Variants in SARM1 observed in about 807,000 individuals in gnomAD.
The protein encoded by SARM1 is sterile alpha and TIR motif containing 1, also known as NAD(+) hydrolase SARM1.
SARM1 carries 60 observed loss-of-function variants against 65.1 expected under a neutral mutation model. That is an observed-to-expected ratio of 0.92 (90% CI 0.75 to 1.14). The LOEUF (loss-of-function observed/expected upper bound fraction) is 1.14. SARM1 is among the 50% of genes most tolerant of loss of function. The probability of loss-of-function intolerance (pLI) is 0.00; values close to 1 mark genes in which losing one functional copy is unlikely to be tolerated. For synonymous variants in SARM1, 417 were observed against 465.4 expected (o/e 0.90, Z 1.34); for missense variants, 913 against 1,015.7 (o/e 0.90, Z 1.37).
rs1246957045 is a variant in SARM1 at position 28,398,254 on chromosome 17, A to G, written c.*1968A>G. On this transcript the variant is annotated 3_prime_UTR_variant, in exon 9 of 9. Coordinates refer to ENST00000585482, the MANE Select transcript of SARM1 (RefSeq NM_015077.4). Reference sequence around the variant, plus strand: ...TATTCAGAGAGGTTTCCTGCGTTTTATTTCTATTTGGTATACCCTCCACTG... The same window carrying G: ...TATTCAGAGAGGTTTCCTGCGTTTTGTTTCTATTTGGTATACCCTCCACTG... 3 of 151,902 alleles carry G rather than the reference A, an allele frequency of 2.0e-5. No individual in the cohort carries two copies. Among genetic ancestry groups the G allele is most frequent in the Non-Finnish European group, 4.4e-5 (3 of 68,020 alleles). The allele number at this position is 151,902 out of a possible 1,614,324, so 9.4% of individuals were successfully genotyped here.
Position 28,381,428 on chromosome 17 carries a change from C to T in SARM1, c.696C>T (p.Asn232=), listed in dbSNP as rs1342859914. 6 of 1,543,996 alleles carry T rather than the reference C, an allele frequency of 3.9e-6. No homozygotes were observed. Among genetic ancestry groups the T allele is most frequent in the Middle Eastern group, 1.7e-4 (1 of 5,962 alleles). ...LLRHCALALG[N]CALHGGQAVQ... ...GCCACTGCGCGCTGGCGCTGGGCAACTGCGCGCTGCACGGGGGCCAGGCGG... is the reference window on the plus strand; with the variant it reads ...GCCACTGCGCGCTGGCGCTGGGCAATTGCGCGCTGCACGGGGGCCAGGCGG... Residue 232 remains asparagine (N), a synonymous_variant, in exon 2 of 9, where the codon AAC becomes AAT. Coordinates refer to ENST00000585482, the MANE Select transcript of SARM1 (RefSeq NM_015077.4).
rs1382701996 is a variant in SARM1, at chr17:28,384,837, A to G, written c.1303-2A>G. On this transcript the variant is annotated splice_acceptor_variant, in intron 3 of 8. Coordinates refer to ENST00000585482, the MANE Select transcript of SARM1 (RefSeq NM_015077.4). LOFTEE classifies it high-confidence loss of function. This position sits in a 1 kb window ranked among gnomAD's most constrained non-coding sequence, Gnocchi z 4.4. ...CTTCCTGACACCCGACTCCTCCCCC[A>G]GGAGCAGCAGGTGGATGGCGACCTG... The G allele has an allele frequency of 2.6e-6, 4 of 1,552,376 alleles. No homozygotes were observed. In the African/African-American group the frequency reaches 4.1e-5, roughly 16 times the overall value.
At position 28,372,497 on chromosome 17, in the gene SARM1, G is replaced by A. The variant is rs1555584219; in HGVS notation, c.465G>A (p.Glu155=). The change falls in exon 1 of 9, where the codon GAG becomes GAA. Residue 155 remains glutamate (E), a synonymous_variant. Transcript: ENST00000585482. The surrounding 1 kb of genome is among the most constrained non-coding windows in gnomAD (Gnocchi z 5.2). The part of the protein sequence containing the change: ...ARLLEQILVA[E]NRDRVARIGL... ...TGCTGGAGCAGATCCTGGTGGCTGA[G>A]AACCGGTGAGCGCGCCAGGCCGGGG... The A allele has an allele frequency of 1.3e-6, 2 of 1,527,788 alleles. No homozygotes were observed. The highest frequency in any genetic ancestry group is 1.4e-5 in the African/African-American group (1 of 72,048). 94.6% of individuals were successfully genotyped at this position (1,527,788 alleles called of 1,614,324 possible).
At position 28,385,614 on chromosome 17, in the gene SARM1, A is replaced by T. The variant is rs1555585936; in HGVS notation, c.1630+339A>T. 3 of 375,596 alleles carry T rather than the reference A, an allele frequency of 8.0e-6. No individual in the cohort carries two copies. The highest frequency in any genetic ancestry group is 4.4e-5 in the Admixed American group (1 of 22,520). The allele number at this position is 375,596 out of a possible 1,614,324, so 23.3% of individuals were successfully genotyped here. A position where few individuals can be genotyped will look rare whatever the true frequency, so the allele number is the denominator to read the frequency against. ...TTCAGAGAGGACAGGATGCCTGACC[A>T]TGTCTTGAGAGGTGCACTGGCGGGG... is the stretch of plus-strand genomic sequence containing the variant. On this transcript the variant is annotated intron_variant, in intron 5 of 8. Coordinates refer to ENST00000585482, the MANE Select transcript of SARM1 (RefSeq NM_015077.4). The surrounding 1 kb of genome is among the most constrained non-coding windows in gnomAD (Gnocchi z 4.5).
In SARM1 at chr17:28,402,410, C is replaced by T. The variant is rs4795436; in HGVS notation, c.*6124C>T. ...CAGCAGAGCTCCTATCCATACCCCA[C>T]GTGGGGCTTAGGTTAGACCCAGGAA... On this transcript the variant is annotated 3_prime_UTR_variant, in exon 9 of 9. Coordinates refer to ENST00000585482, the MANE Select transcript of SARM1 (RefSeq NM_015077.4). 0.94 allele frequency: 1,037,860 copies of T among 1,105,748 alleles called. 488,381 individuals carry two copies. Among genetic ancestry groups the T allele is most frequent in the Non-Finnish European group, 0.96 (717,762 of 745,710 alleles). The allele number at this position is 1,105,748 out of a possible 1,614,324, so 68.5% of individuals were successfully genotyped here.
rs1239333403 is a variant in SARM1 at position 28,402,559 on chromosome 17, G to T, written c.*6273G>T. On this transcript the variant is annotated 3_prime_UTR_variant, in exon 9 of 9. Transcript: ENST00000585482. ...GCTAATTCCCATTGATTGCTTTCTT[G>T]TCTGAACCTCTTGTGGTCACAGCAG... The T allele has an allele frequency of 2.4e-6, 1 of 419,636 alleles. No homozygotes were observed. The highest frequency in any genetic ancestry group is 4.4e-6 in the Non-Finnish European group (1 of 225,302). 26.0% of individuals were successfully genotyped at this position (419,636 alleles called of 1,614,324 possible).
At chr17:28,375,034 C>A (rs1314879503) in intron 1 of SARM1, among the ~76,000 whole-genome samples, 1 of 150,978 alleles carries the variant, frequency 6.6e-6, no homozygotes, top group Non-Finnish European at 1.5e-5. Context: ...TGCCACTTCC[C>A]TCTTGCTTTC....
At position 28,388,198 on chromosome 17, in the gene SARM1, G is replaced by A; in HGVS notation, c.1655G>A (p.Cys552Tyr). ...GAAATGCTACACTCCCCGCTGCCCT[G>A]TACTGGTGGCAAACCCAGTGGGGAC... Reference protein sequence around the residue: ...AREMLHSPLPCTGGKPSGDTP... With the variant: ...AREMLHSPLPYTGGKPSGDTP... The change falls in exon 6 of 9, where the codon TGT becomes TAT. Residue 552 changes from cysteine to tyrosine, a missense_variant. Coordinates refer to ENST00000585482, the MANE Select transcript of SARM1 (RefSeq NM_015077.4). 1 of 1,550,076 alleles carries A rather than the reference G, an allele frequency of 6.5e-7. No individual in the cohort carries two copies. Among genetic ancestry groups the A allele is most frequent in the Non-Finnish European group, 8.7e-7 (1 of 1,147,052 alleles).
At position 28,384,394 on chromosome 17, in the gene SARM1, G is replaced by A; in HGVS notation, c.1127G>A (p.Arg376His). The A allele has an allele frequency of 6.2e-7, 1 of 1,609,026 alleles. No individual in the cohort carries two copies. The highest frequency in any genetic ancestry group is 1.7e-5 in the Admixed American group (1 of 59,182). ...SDIGAIQSLK[R>H]LVSYSTNGTK... ...ATCGGCGCCATCCAGAGCCTGAAACGCCTGGTTTCCTACTCTACCAATGGC... is the reference window on the plus strand; with the variant it reads ...ATCGGCGCCATCCAGAGCCTGAAACACCTGGTTTCCTACTCTACCAATGGC... The change falls in exon 3 of 9, where the codon CGC (arginine) becomes CAC (histidine). Residue 376 changes from arginine (R) to histidine (H), a missense_variant. Transcript: ENST00000585482. This position sits in a 1 kb window ranked among gnomAD's most constrained non-coding sequence, Gnocchi z 4.4.
In SARM1 at chr17:28,372,434, G is replaced by C; in HGVS notation, c.402G>C (p.Gln134His). 6.5e-7 allele frequency: 1 copy of C among 1,530,508 alleles called. No homozygotes were observed. Among genetic ancestry groups the C allele is most frequent in the Non-Finnish European group, 8.7e-7 (1 of 1,145,298 alleles). 94.8% of individuals were successfully genotyped at this position (1,530,508 alleles called of 1,614,324 possible). A position where few individuals can be genotyped will look rare whatever the true frequency, so the allele number is the denominator to read the frequency against. Reference protein sequence around the residue: ...GGLDLLLRLLQAPELETRVQA... With the variant: ...GGLDLLLRLLHAPELETRVQA... ...TCGACCTGCTGTTGCGGCTGCTGCA[G>C]GCGCCGGAGTTGGAGACGCGTGTGC... The change falls in exon 1 of 9, where the codon CAG becomes CAC. Residue 134 changes from glutamine to histidine, a missense_variant. Gln to His is a conservative substitution (Grantham distance 24). Transcript: ENST00000585482. This position sits in a 1 kb window ranked among gnomAD's most constrained non-coding sequence, Gnocchi z 5.2.
At position 28,385,368 on chromosome 17, in the gene SARM1, T is replaced by A; in HGVS notation, c.1630+93T>A. 1.0e-6 allele frequency: 1 copy of A among 961,922 alleles called. No homozygotes were observed. Among genetic ancestry groups the A allele is most frequent in the South Asian group, 1.7e-5 (1 of 59,280 alleles). 59.6% of individuals were successfully genotyped at this position (961,922 alleles called of 1,614,324 possible). On this transcript the variant is annotated intron_variant, in intron 5 of 8. Coordinates refer to ENST00000585482, the MANE Select transcript of SARM1 (RefSeq NM_015077.4). This position sits in a 1 kb window ranked among gnomAD's most constrained non-coding sequence, Gnocchi z 4.5. ...AGACACGGGGTGGAGCCTTCCAGCC[T>A]CGCCGTGGATTGATTGAGCACAAAC...
Position 28,399,877 on chromosome 17 carries a change from G to A in SARM1, c.*3591G>A, listed in dbSNP as rs1482877775. On this transcript the variant is annotated 3_prime_UTR_variant, in exon 9 of 9. Coordinates refer to ENST00000585482, the MANE Select transcript of SARM1 (RefSeq NM_015077.4). ...TGAGAGCTGGAGGACAATATCCAGG[G>A]ACATGGCTCTGGAAAATAACTTTTT... The A allele has an allele frequency of 3.3e-5, 23 of 692,696 alleles. No homozygotes were observed. The highest frequency in any genetic ancestry group is 2.3e-4 in the Admixed American group (9 of 39,852). The allele number at this position is 692,696 out of a possible 1,614,324, so 42.9% of individuals were successfully genotyped here.
At chr17:28,395,599 A>G in intron 7 of SARM1, 1 of 302,542 alleles carries the variant, frequency 3.3e-6, no homozygotes, top group Non-Finnish European at 6.3e-6. Flanking sequence ...TCCTGAAACT[A>G]TCTAGGCTAC....
chr17:28,388,168 C>T lies in SARM1; in HGVS notation c.1631-6C>T. 2 of 1,546,602 alleles carry T rather than the reference C, an allele frequency of 1.3e-6. No homozygotes were observed. Among genetic ancestry groups the T allele is most frequent in the Non-Finnish European group, 1.7e-6 (2 of 1,144,268 alleles). On this transcript the variant is annotated splice_region_variant and splice_polypyrimidine_tract_variant and intron_variant, in intron 5 of 8. Coordinates refer to ENST00000585482, the MANE Select transcript of SARM1 (RefSeq NM_015077.4). Reference sequence around the variant, plus strand: ...CCTTCACCATGCTGCCTATTGCCCACTTCAGAAATGCTACACTCCCCGCTG... The same window carrying T: ...CCTTCACCATGCTGCCTATTGCCCATTTCAGAAATGCTACACTCCCCGCTG...
At position 28,384,586 on chromosome 17, in the gene SARM1, T is replaced by G; in HGVS notation, c.1302+17T>G. The G allele has an allele frequency of 6.3e-7, 1 of 1,575,570 alleles. No individual in the cohort carries two copies. Among genetic ancestry groups the G allele is most frequent in the South Asian group, 1.1e-5 (1 of 86,992 alleles). On this transcript the variant is annotated intron_variant, in intron 3 of 8. Transcript: ENST00000585482. The surrounding 1 kb of genome is among the most constrained non-coding windows in gnomAD (Gnocchi z 4.4). ...AGCTTCCGGGTAGAGTCGCGTGGGA[T>G]ACGCCTCCCCCGAGTCAGAGCGGGC... is the stretch of plus-strand genomic sequence containing the variant.
In SARM1 at chr17:28,400,415, G is replaced by T; in HGVS notation, c.*4129G>T. ...GTTAGCCTGATCCTTCCTCCACCTA[G>T]CTCGCCATCTCGCCCTTGGAAAATG... is the stretch of plus-strand genomic sequence containing the variant. On this transcript the variant is annotated 3_prime_UTR_variant, in exon 9 of 9. Transcript: ENST00000585482. The T allele has an allele frequency of 1.6e-6, 1 of 629,098 alleles. No individual in the cohort carries two copies. Among genetic ancestry groups the T allele is most frequent in the Non-Finnish European group, 2.7e-6 (1 of 369,136 alleles). 39.0% of individuals were successfully genotyped at this position (629,098 alleles called of 1,614,324 possible). A position where few individuals can be genotyped will look rare whatever the true frequency, so the allele number is the denominator to read the frequency against.
chr17:28,372,007 G>C lies in SARM1; in HGVS notation c.-26G>C, dbSNP rs782730944. ...TCCGCGTGGCCCCGCCTCCAGGCCG[G>C]GGATGTCCCCCGCGGCCCCGCGCCC... On this transcript the variant is annotated 5_prime_UTR_variant, in exon 1 of 9. Coordinates refer to ENST00000585482, the MANE Select transcript of SARM1 (RefSeq NM_015077.4). This position sits in a 1 kb window ranked among gnomAD's most constrained non-coding sequence, Gnocchi z 5.2. 1.4e-6 allele frequency: 2 copies of C among 1,449,406 alleles called. No homozygotes were observed. The highest frequency in any genetic ancestry group is 2.9e-5 in the East Asian group (1 of 34,176). The allele number at this position is 1,449,406 out of a possible 1,614,324, so 89.8% of individuals were successfully genotyped here.
At chr17:28,379,170 G>A (rs2096549989) in intron 1 of SARM1, among the ~76,000 whole-genome samples, 1 of 152,086 alleles carries the variant, frequency 6.6e-6, no homozygotes, top group African/African-American at 2.4e-5. Context: ...TTCTGCCAGT[G>A]AACATTTTAT....
Position 28,385,508 on chromosome 17 carries a change from G to A in SARM1, c.1630+233G>A. On this transcript the variant is annotated intron_variant, in intron 5 of 8. Transcript: ENST00000585482. This position sits in a 1 kb window ranked among gnomAD's most constrained non-coding sequence, Gnocchi z 4.5. ...AGGAAGGAGGCTATTAAACAGGCAA[G>A]CGGCCCCGGCAGGAAGCTACCCAGG... The A allele has an allele frequency of 1.5e-5, 8 of 550,970 alleles. No individual in the cohort carries two copies. Among genetic ancestry groups the A allele is most frequent in the Non-Finnish European group, 2.5e-5 (8 of 314,200 alleles). The allele number at this position is 550,970 out of a possible 1,614,324, so 34.1% of individuals were successfully genotyped here. A position where few individuals can be genotyped will look rare whatever the true frequency, so the allele number is the denominator to read the frequency against.
Sources: allele counts gnomAD v4.1 joint callset (sites outside exome capture counted in the v4.1 genomes callset), GRCh38; gene constraint gnomAD v4.1.1; non-coding constraint Gnocchi (gnomAD v3.1); transcripts MANE v1.5; gene names NCBI Gene and HGNC (gene_info 2026-07-23, HGNC 2026-07-21).